Variants in ANKFN1 observed in about 807,000 individuals in gnomAD.
The protein encoded by ANKFN1 is ankyrin repeat and fibronectin type-III domain-containing protein 1.
In ANKFN1, 74 loss-of-function variants were observed where a neutral mutation model predicts 108.7. That is an observed-to-expected ratio of 0.68 (90% CI 0.56 to 0.83). The LOEUF is 0.83. Ranked by LOEUF, ANKFN1 falls within the 40% of genes least tolerant of loss-of-function variation. The pLI, the probability that ANKFN1 is intolerant of heterozygous loss-of-function variation, is 0.00. For missense variants in ANKFN1, 1,505 were observed against 1,382.3 expected, an observed-to-expected ratio of 1.09 and a Z score of -1.41; for synonymous variants, 547 against 516.2, an observed-to-expected ratio of 1.06 and a Z score of -0.81.
intron 16 of ANKFN1, among the ~76,000 whole-genome samples, chr17:56,478,306 A>T (rs948642667): frequency 1.3e-5 from 2 of 152,222 alleles, no homozygotes; most frequent in African/African-American, 4.8e-5. Flanking sequence ...TATTTCCAGT[A>T]TATTTTCTTT....
intron 4 of ANKFN1, among the ~76,000 whole-genome samples, chr17:56,146,393 G>T (rs1387790674): frequency 6.6e-6 from 1 of 152,156 alleles, no homozygotes; most frequent in African/African-American, 2.4e-5. Context: ...GTATGTGGGG[G>T]CTCCAACCCT....
chr17:56,274,480 T>TAAG, intron 3 of ANKFN1, among the ~76,000 whole-genome samples: 1 of 151,608 alleles, frequency 6.6e-6, no homozygotes, highest in Non-Finnish European at 1.5e-5. Context: ...CTCAAAAAAA[T>TAAG]AATAATAATA....
At position 56,336,369 on chromosome 17, in the gene ANKFN1, G is replaced by C; in HGVS notation, c.188+10014G>C. Reference sequence around the variant, plus strand: ...GTCCTGGACTCTTTTTGGTTGGTAGGCTATTGATTATTGCCTCAATTTCAG... The same window carrying C: ...GTCCTGGACTCTTTTTGGTTGGTAGCCTATTGATTATTGCCTCAATTTCAG... On this transcript the variant is annotated intron_variant, in intron 4 of 20. Transcript: ENST00000682825. 1.3e-5 allele frequency among the ~76,000 whole-genome samples: 2 copies of C among 152,126 alleles called. 1 individual carries two copies. The highest frequency in any genetic ancestry group is 3.9e-4 in the East Asian group (2 of 5,190).
chr17:56,080,103 G>A (rs573490136), intron 4 of ANKFN1, among the ~76,000 whole-genome samples: 23 of 152,260 alleles, frequency 1.5e-4, no homozygotes, highest in African/African-American at 5.3e-4. Context: ...CTATCAGACT[G>A]GCAAAAGTGT....
intron 1 of ANKFN1, among the ~76,000 whole-genome samples, chr17:56,162,580 A>G (rs1050382517): frequency 1.3e-5 from 2 of 152,220 alleles, no homozygotes; most frequent in African/African-American, 4.8e-5. Flanking sequence ...TAAAGACCCT[A>G]TCTCCAAATA....
chr17:56,372,523 C>A, intron 6 of ANKFN1, 123 bp from the exon 7 acceptor site: 1 of 829,476 alleles, frequency 1.2e-6, no homozygotes, highest in Admixed American at 3.1e-5. Flanking sequence ...AAACACAGAT[C>A]CCACTTTTCC....
chr17:56,366,001 A>G (rs1409293197), intron 6 of ANKFN1, among the ~76,000 whole-genome samples: 1 of 152,184 alleles, frequency 6.6e-6, no homozygotes, highest in Non-Finnish European at 1.5e-5. Context: ...AGGCATTGTT[A>G]CCATAAAAGA....
chr17:56,309,556 T>C (rs2044945908), intron 3 of ANKFN1, among the ~76,000 whole-genome samples: 1 of 152,174 alleles, frequency 6.6e-6, no homozygotes, highest in African/African-American at 2.4e-5. Context: ...TGCTCTTTTT[T>C]TGATTCATAG....
chr17:56,102,292 A>G (rs899480125), intron 4 of ANKFN1, among the ~76,000 whole-genome samples: 2 of 152,196 alleles, frequency 1.3e-5, no homozygotes, highest in African/African-American at 2.4e-5. Flanking sequence ...CTTTTACTAT[A>G]CGGTCAATTA....
At chr17:56,483,543 A>G (rs540893488) in intron 18 of ANKFN1, among the ~76,000 whole-genome samples, 1 of 152,330 alleles carries the variant, frequency 6.6e-6, no homozygotes, top group Admixed American at 6.5e-5. Flanking sequence ...AAAACTGATG[A>G]ACAGCAATTG....
chr17:56,331,030 G>A (rs1010570308), intron 4 of ANKFN1, among the ~76,000 whole-genome samples: 1 of 152,136 alleles, frequency 6.6e-6, no homozygotes, highest in Non-Finnish European at 1.5e-5. Flanking sequence ...CACCTGTTAT[G>A]TTAACAGCAG....
chr17:56,459,010 C>T (rs2049809396), intron 14 of ANKFN1, among the ~76,000 whole-genome samples: 1 of 152,196 alleles, frequency 6.6e-6, no homozygotes. Context: ...GCAAATTTTG[C>T]TCCTCTGTGA....
chr17:56,409,424 A>T (rs1041610135), intron 8 of ANKFN1, among the ~76,000 whole-genome samples: 1 of 152,212 alleles, frequency 6.6e-6, no homozygotes, highest in Admixed American at 6.5e-5. Flanking sequence ...AACAAGCATA[A>T]GAAGACCCTG....
intron 3 of ANKFN1, among the ~76,000 whole-genome samples, chr17:56,316,818 G>C (rs931895826): frequency 8.5e-5 from 13 of 152,200 alleles, no homozygotes; most frequent in Admixed American, 3.3e-4. Context: ...AGGATCAAAT[G>C]CTCCTGTGCT....
Position 56,510,990 on chromosome 17 carries a change from C to A in ANKFN1, c.3162C>A (p.Ala1054=), listed in dbSNP as rs2241936. The A allele has an allele frequency of 3.6e-3, 5,478 of 1,535,976 alleles. 156 individuals carry two copies. The East Asian group carries it at 0.075, about 21-fold the overall frequency. ...LAQEPKEAKR[A]GPALDDPRGL... is the part of the protein sequence containing the mutation. ...AGGAGCCCAAGGAGGCCAAGCGGGCCGGCCCTGCCCTTGATGATCCCAGGG... is the reference window on the plus strand; with the variant it reads ...AGGAGCCCAAGGAGGCCAAGCGGGCAGGCCCTGCCCTTGATGATCCCAGGG... Residue 1054 remains alanine (A), a synonymous_variant, in exon 21 of 21, where the codon GCC becomes GCA. Coordinates refer to ENST00000682825, the MANE Select transcript of ANKFN1 (RefSeq NM_001370326.1).
At chr17:56,440,488 C>T in intron 9 of ANKFN1, 64 bp downstream of exon 9, 1 of 1,378,162 alleles carries the variant, frequency 7.3e-7, no homozygotes, top group Non-Finnish European at 1.0e-6. Flanking sequence ...ATATCAGTAG[C>T]AAATGTCTAT....
At chr17:56,161,408 T>C (rs945702145) in intron 1 of ANKFN1, among the ~76,000 whole-genome samples, 5 of 152,220 alleles carry the variant, frequency 3.3e-5, no homozygotes, top group African/African-American at 1.2e-4. Context: ...TATCCCACTC[T>C]GTATTACTTT....
At chr17:56,467,850 GAAAA>G (rs56007643) in intron 15 of ANKFN1, among the ~76,000 whole-genome samples, 2 of 23,772 alleles carry the variant, frequency 8.4e-5, no homozygotes, top group Non-Finnish European at 2.0e-4. Context: ...AAGAAAGAAA[GAAAA>G]AGGGAAAGAA....
At chr17:56,428,454 C>G (rs1290402120) in intron 8 of ANKFN1, among the ~76,000 whole-genome samples, 2 of 145,788 alleles carry the variant, frequency 1.4e-5, no homozygotes, top group Non-Finnish European at 3.0e-5. Flanking sequence ...ATAATTGGAG[C>G]TTTTTTTCTT....
Sources: gnomAD v4.1 joint callset for allele counts (sites outside exome capture counted in the v4.1 genomes callset) on GRCh38, gnomAD v4.1.1 for gene constraint, MANE v1.5 for transcripts, NCBI Gene and HGNC (gene_info 2026-07-23, HGNC 2026-07-21) for gene names.